The following PRKG1 variants were observed in gnomAD, a reference collection of about 807,000 sequenced individuals.
PRKG1 encodes protein kinase cGMP-dependent 1, also known as cGMP-dependent protein kinase 1.
Under a neutral mutation model 88.1 loss-of-function variants are expected in PRKG1, and 35 were observed. That is an observed-to-expected ratio of 0.40 (90% confidence interval 0.30 to 0.53). PRKG1 has a LOEUF of 0.53. Among genes scored for constraint, PRKG1 ranks in the 20% least tolerant of loss-of-function variants. The probability of loss-of-function intolerance (pLI) is 0.59; values close to 1 mark genes in which losing one functional copy is unlikely to be tolerated. For missense variants in PRKG1, 540 were observed against 839.8 expected, an observed-to-expected ratio of 0.64 and a Z score of 4.41; for synonymous variants, 303 against 292.5, an observed-to-expected ratio of 1.04 and a Z score of -0.37.
intron 2 of PRKG1, among the ~76,000 whole-genome samples, chr10:51,436,924 T>C (rs1196727929): frequency 6.6e-6 from 1 of 151,984 alleles, no homozygotes; most frequent in Non-Finnish European, 1.5e-5. Flanking sequence ...TTGCCAGAGG[T>C]TGCCCCAGTC....
intron 14 of PRKG1, among the ~76,000 whole-genome samples, chr10:52,284,122 A>G (rs1453970834): frequency 2.0e-5 from 3 of 151,980 alleles, no homozygotes; most frequent in Non-Finnish European, 4.4e-5. Context: ...CACAGGTTAC[A>G]ATATCTGACT....
At chr10:51,740,928 GA>G (rs111889565) in intron 3 of PRKG1, among the ~76,000 whole-genome samples, 5,181 of 121,172 alleles carry the variant, frequency 0.043, 296 homozygotes, top group African/African-American at 0.13. Flanking sequence ...TCCCAAAACT[GA>G]AAAAAAAAAA....
intron 3 of PRKG1, among the ~76,000 whole-genome samples, chr10:51,554,087 A>ATGTGTATATATTTGTG (rs1837231808): frequency 7.6e-6 from 1 of 132,296 alleles, no homozygotes; most frequent in Non-Finnish European, 1.6e-5. Flanking sequence ...CGTATGTGAT[A>ATGTGTATATATTTGTG]CGTGTATATA....
In PRKG1 at chr10:52,062,743, C is replaced by T. The variant is rs911072476; in HGVS notation, c.935+112C>T. 6.5e-6 allele frequency: 5 copies of T among 768,362 alleles called. No individual in the cohort carries two copies. The South Asian group carries it at 7.3e-5, about 11-fold the overall frequency. 47.6% of individuals were successfully genotyped at this position (768,362 alleles called of 1,614,324 possible). A position where few individuals can be genotyped will look rare whatever the true frequency, so the allele number is the denominator to read the frequency against. ...TTTTATTTAGTGCTTATCTCAATAT[C>T]AAATATGGACCCTTGATGATAAATA... is the stretch of plus-strand genomic sequence containing the variant. On this transcript the variant is annotated intron_variant, in intron 7 of 17. Coordinates refer to ENST00000373980, the MANE Select transcript of PRKG1 (RefSeq NM_006258.4).
chr10:51,615,073 A>C (rs916870430), intron 3 of PRKG1, among the ~76,000 whole-genome samples: 1 of 120,636 alleles, frequency 8.3e-6, no homozygotes, highest in African/African-American at 3.1e-5. Flanking sequence ...CTTTGAATAT[A>C]TTCAACTTTG....
chr10:51,412,085 A>G (rs917167971), intron 2 of PRKG1, among the ~76,000 whole-genome samples: 2 of 152,016 alleles, frequency 1.3e-5, no homozygotes, highest in Non-Finnish European at 2.9e-5. Flanking sequence ...CTTTCATCAC[A>G]TTATGAAATA....
At chr10:52,107,305 A>T (rs74135153) in intron 7 of PRKG1, among the ~76,000 whole-genome samples, 1,649 of 152,334 alleles carry the variant, frequency 0.011, 32 homozygotes, top group African/African-American at 0.037. Flanking sequence ...TTAGACAAAG[A>T]CCTAAAACAT....
chr10:51,215,419 G>T (rs1838346218), intron 2 of PRKG1, among the ~76,000 whole-genome samples: 1 of 152,164 alleles, frequency 6.6e-6, no homozygotes. Context: ...TGGTCTCCAT[G>T]GAGGTCATAT....
chr10:51,160,070 A>G (rs965829302), intron 2 of PRKG1, among the ~76,000 whole-genome samples: 6 of 152,174 alleles, frequency 3.9e-5, no homozygotes, highest in South Asian at 4.1e-4. Flanking sequence ...GAACCATAAC[A>G]TATCTCTTGT....
intron 8 of PRKG1, among the ~76,000 whole-genome samples, chr10:52,155,772 A>T (rs1015467064): frequency 5.1e-5 from 6 of 117,302 alleles, no homozygotes; most frequent in Admixed American, 4.6e-4. Flanking sequence ...TTTAAAATTC[A>T]AAACTAGATG....
intron 2 of PRKG1, among the ~76,000 whole-genome samples, chr10:51,300,017 G>A (rs1469031001): frequency 6.6e-6 from 1 of 152,124 alleles, no homozygotes; most frequent in Non-Finnish European, 1.5e-5. Context: ...GGTATGAAGG[G>A]TGTCAAATCT....
At chr10:51,792,041 A>C (rs1838882190) in intron 3 of PRKG1, among the ~76,000 whole-genome samples, 1 of 152,092 alleles carries the variant, frequency 6.6e-6, no homozygotes, top group African/African-American at 2.4e-5. Flanking sequence ...GAAGCTATTG[A>C]ATGTTTGGTG....
intron 5 of PRKG1, among the ~76,000 whole-genome samples, chr10:52,041,020 G>C (rs1243858414): frequency 6.6e-6 from 1 of 151,506 alleles, no homozygotes; most frequent in Non-Finnish European, 1.5e-5. Flanking sequence ...TGCATTTTTA[G>C]TAGAGACGAG....
At chr10:51,234,718 T>C (rs1265457590) in intron 2 of PRKG1, among the ~76,000 whole-genome samples, 1 of 152,172 alleles carries the variant, frequency 6.6e-6, no homozygotes, top group Non-Finnish European at 1.5e-5. Flanking sequence ...TTTGCATCCT[T>C]TTTTTGTATT....
At chr10:51,145,825 G>C (rs1394309905) in intron 1 of PRKG1, among the ~76,000 whole-genome samples, 1 of 152,098 alleles carries the variant, frequency 6.6e-6, no homozygotes, top group Non-Finnish European at 1.5e-5. Flanking sequence ...GAGAGTATTA[G>C]TTAAAATGGA....
chr10:52,094,804 T>TGAGG (rs1322327003), intron 7 of PRKG1, among the ~76,000 whole-genome samples: 1 of 152,126 alleles, frequency 6.6e-6, no homozygotes, highest in Non-Finnish European at 1.5e-5. Flanking sequence ...TTGAGGACCC[T>TGAGG]ACTACACTCA....
intron 2 of PRKG1, among the ~76,000 whole-genome samples, chr10:51,234,906 A>G (rs1487733359): frequency 6.6e-6 from 1 of 152,174 alleles, no homozygotes; most frequent in Non-Finnish European, 1.5e-5. Context: ...TTTTCTAACA[A>G]TTTATAGGCT....
At chr10:51,882,817 G>T (rs1189249185) in intron 4 of PRKG1, among the ~76,000 whole-genome samples, 3 of 152,274 alleles carry the variant, frequency 2.0e-5, no homozygotes, top group South Asian at 4.1e-4. Flanking sequence ...CAGTCTGCCA[G>T]ACATGGTCAG....
chr10:51,692,858 AAATT>A (rs1841180142), intron 3 of PRKG1, among the ~76,000 whole-genome samples: 1 of 152,322 alleles, frequency 6.6e-6, no homozygotes, highest in Non-Finnish European at 1.5e-5. Context: ...CAATCATATA[AAATT>A]AATTATGATT....
Sources: gnomAD v4.1 joint callset for allele counts (sites outside exome capture counted in the v4.1 genomes callset) on GRCh38, gnomAD v4.1.1 for gene constraint, MANE v1.5 for transcripts, NCBI Gene and HGNC (gene_info 2026-07-23, HGNC 2026-07-21) for gene names.